The following CDH8 variants were observed in gnomAD, a reference collection of about 807,000 sequenced individuals.
CDH8 encodes cadherin-8.
A neutral mutation model predicts 68.1 loss-of-function variants in CDH8; 17 were observed. The observed-to-expected ratio is 0.25, with a 90% CI of 0.17 to 0.37. The LOEUF is 0.37. Ranked by LOEUF, CDH8 falls within the 10% of genes least tolerant of loss-of-function variation. The pLI, the probability that CDH8 is intolerant of heterozygous loss-of-function variation, is 1.00. For missense variants in CDH8, 763 were observed against 999.3 expected (o/e 0.76, Z 3.19); for synonymous variants, 372 against 365.1 (o/e 1.02, Z -0.21).
chr16:61,648,833 G>A lies in CDH8; in HGVS notation c.*4775C>T, dbSNP rs1298098692. 1 of 151,746 alleles carries A rather than the reference G, an allele frequency of 6.6e-6. No individual in the cohort carries two copies. Among genetic ancestry groups the A allele is most frequent in the East Asian group, 1.9e-4 (1 of 5,160 alleles). 9.4% of individuals were successfully genotyped at this position (151,746 alleles called of 1,614,324 possible). ...TTTTAAATTTTATGTCCTCCATAAC[G>A]CTAGGTCTGTGCTCAAAATACTAGG... On this transcript the variant is annotated 3_prime_UTR_variant, in exon 12 of 12. Coordinates refer to ENST00000577390, the MANE Select transcript of CDH8 (RefSeq NM_001796.5).
At chr16:61,963,078 GTTCATTCCAATTATGAGGTTGGA>G (rs1965187478) in intron 2 of CDH8, among the ~76,000 whole-genome samples, 1 of 152,050 alleles carries the variant, frequency 6.6e-6, no homozygotes, top group South Asian at 2.1e-4. Context: ...CTCTGCCTAA[GTTCATTCCAATTATGAGGTTGGA>G]TTCTGAATAT....
chr16:61,929,750 C>T (rs1389068642), intron 2 of CDH8, among the ~76,000 whole-genome samples: 2 of 151,960 alleles, frequency 1.3e-5, no homozygotes, highest in African/African-American at 4.8e-5. Flanking sequence ...TTTAGCCACA[C>T]GTGGTGGCAA....
intron 4 of CDH8, among the ~76,000 whole-genome samples, chr16:61,833,220 AG>A (rs965291296): frequency 2.6e-5 from 4 of 151,464 alleles, no homozygotes; most frequent in African/African-American, 9.7e-5. Context: ...TTATATACAC[AG>A]TATATATATT....
At chr16:61,987,207 T>C (rs919168803) in intron 2 of CDH8, among the ~76,000 whole-genome samples, 3 of 152,058 alleles carry the variant, frequency 2.0e-5, no homozygotes. Flanking sequence ...ACTCAGTCTT[T>C]AAAATAATCC....
At chr16:61,755,017 C>A (rs1960275922) in intron 8 of CDH8, among the ~76,000 whole-genome samples, 1 of 152,084 alleles carries the variant, frequency 6.6e-6, no homozygotes, top group Non-Finnish European at 1.5e-5. Context: ...TCAGAACATG[C>A]AGTATTTAGT....
intron 2 of CDH8, among the ~76,000 whole-genome samples, chr16:61,922,845 A>G (rs948022832): frequency 5.3e-5 from 8 of 152,200 alleles, no homozygotes; most frequent in African/African-American, 1.4e-4. Flanking sequence ...AATTTATGCA[A>G]TTTTGGAGTG....
intron 8 of CDH8, among the ~76,000 whole-genome samples, chr16:61,741,578 G>GT (rs1266886048): frequency 1.3e-5 from 2 of 152,000 alleles, no homozygotes; most frequent in African/African-American, 2.4e-5. Context: ...TCACAGTTCA[G>GT]TTTTTTTCCA....
intron 4 of CDH8, among the ~76,000 whole-genome samples, chr16:61,840,906 TG>T (rs1962670168): frequency 6.6e-6 from 1 of 152,092 alleles, no homozygotes; most frequent in Non-Finnish European, 1.5e-5. Context: ...GTCCTGCACA[TG>T]TATCCCAGAA....
intron 3 of CDH8, among the ~76,000 whole-genome samples, chr16:61,888,729 C>T (rs1265948763): frequency 6.6e-6 from 1 of 152,100 alleles, no homozygotes; most frequent in African/African-American, 2.4e-5. Flanking sequence ...ATTATGTTAA[C>T]CTTAAGCTGA....
At chr16:62,015,438 G>T (rs1011180005) in intron 2 of CDH8, among the ~76,000 whole-genome samples, 14 of 152,002 alleles carry the variant, frequency 9.2e-5, no homozygotes, top group Non-Finnish European at 1.3e-4. Context: ...TTCCATAGGG[G>T]TTTGTATCTT....
intron 8 of CDH8, among the ~76,000 whole-genome samples, chr16:61,769,059 T>A (rs1167035480): frequency 2.6e-5 from 4 of 151,714 alleles, no homozygotes; most frequent in South Asian, 2.1e-4. Context: ...AAGCACAGAT[T>A]CCATTGGCCA....
At chr16:61,874,080 C>T (rs1420010748) in intron 3 of CDH8, among the ~76,000 whole-genome samples, 1 of 151,960 alleles carries the variant, frequency 6.6e-6, no homozygotes, top group Non-Finnish European at 1.5e-5. Context: ...AGACAAAACT[C>T]TATGATGTCC....
intron 2 of CDH8, among the ~76,000 whole-genome samples, chr16:61,926,026 G>A (rs2143436285): frequency 6.6e-6 from 1 of 152,146 alleles, no homozygotes; most frequent in Non-Finnish European, 1.5e-5. Context: ...ACCTTCACAA[G>A]GTTGTTTCTT....
intron 3 of CDH8, among the ~76,000 whole-genome samples, chr16:61,894,009 G>C (rs2143210868): frequency 6.6e-6 from 1 of 152,214 alleles, no homozygotes; most frequent in Middle Eastern, 3.4e-3. Flanking sequence ...ATAGTTTCAT[G>C]AGGAATAAGA....
intron 3 of CDH8, among the ~76,000 whole-genome samples, chr16:61,882,357 A>G (rs17822900): frequency 0.15 from 23,042 of 152,224 alleles, 2,075 homozygotes; most frequent in East Asian, 0.23. Flanking sequence ...AGATCTAGGA[A>G]TAAAGAGATG....
intron 2 of CDH8, among the ~76,000 whole-genome samples, chr16:62,013,462 A>G (rs1901865817): frequency 6.6e-6 from 1 of 152,168 alleles, no homozygotes; most frequent in South Asian, 2.1e-4. Flanking sequence ...ACATACATCT[A>G]TATTCATGGT....
At chr16:61,684,766 A>G (rs1486007901) in intron 10 of CDH8, among the ~76,000 whole-genome samples, 1 of 152,016 alleles carries the variant, frequency 6.6e-6, no homozygotes, top group East Asian at 1.9e-4. Context: ...TGGAATTCTT[A>G]GAGGGCAAGA....
intron 4 of CDH8, among the ~76,000 whole-genome samples, chr16:61,828,251 G>A (rs528748683): frequency 2.9e-4 from 44 of 151,994 alleles, no homozygotes; most frequent in African/African-American, 1.1e-3. Flanking sequence ...TATGGTCTAC[G>A]AAAGGGGAGG....
At chr16:61,842,823 G>A (rs910572434) in intron 4 of CDH8, among the ~76,000 whole-genome samples, 1 of 152,052 alleles carries the variant, frequency 6.6e-6, no homozygotes, top group Non-Finnish European at 1.5e-5. Context: ...AATTACTGTT[G>A]TGCTTATTTT....
Sources: gnomAD v4.1 joint callset for allele counts (sites outside exome capture counted in the v4.1 genomes callset) on GRCh38, gnomAD v4.1.1 for gene constraint, MANE v1.5 for transcripts, NCBI Gene and HGNC (gene_info 2026-07-23, HGNC 2026-07-21) for gene names.